Variants in MX2 observed in about 807,000 individuals in gnomAD.
The protein encoded by MX2 is interferon-induced GTP-binding protein Mx2.
MX2 carries 51 observed loss-of-function variants against 74.0 expected under a neutral mutation model. The ratio of observed to expected loss-of-function variants is 0.69; its 90% CI spans 0.55 to 0.87. The LOEUF is 0.87. Among genes scored for constraint, MX2 ranks in the 40% least tolerant of loss-of-function variants. The pLI is 0.00. For synonymous variants in MX2, 369 were observed against 339.3 expected (o/e 1.09, Z -0.96); for missense variants, 832 against 908.7 (o/e 0.92, Z 1.09).
chr21:41,362,750 C>CTTTTT (rs56903696), intron 1 of MX2, among the ~76,000 whole-genome samples: 14 of 82,158 alleles, frequency 1.7e-4, no homozygotes, highest in Admixed American at 2.9e-4. Context: ...GTTTTTTTTT[C>CTTTTT]TTTTTTTTTT....
At position 41,380,104 on chromosome 21, in the gene MX2, A is replaced by T; in HGVS notation, c.530A>T (p.Glu177Val). 6.2e-7 allele frequency: 1 copy of T among 1,613,996 alleles called. No individual in the cohort carries two copies. The highest frequency in any genetic ancestry group is 8.5e-7 in the Non-Finnish European group (1 of 1,179,872). Residue 177 changes from glutamate to valine, a missense_variant, in exon 4 of 14, where the codon GAG becomes GTG. Glu to Val is a moderately radical substitution (Grantham distance 121). Coordinates refer to ENST00000330714, the MANE Select transcript of MX2 (RefSeq NM_002463.2). The surrounding 1 kb of genome is among the most constrained non-coding windows in gnomAD (Gnocchi z 4.3). Reference sequence around the variant, plus strand: ...GGAAGGATCAGCTACCGGAACACCGAGCTAGAGCTTCAGGACCCTGGCCAG... The same window carrying T: ...GGAAGGATCAGCTACCGGAACACCGTGCTAGAGCTTCAGGACCCTGGCCAG... ...WAGRISYRNT[E>V]LELQDPGQVE...
chr21:41,380,087 C>T lies in MX2; in HGVS notation c.513C>T (p.Ile171=), dbSNP rs376451907. 1.2e-5 allele frequency: 19 copies of T among 1,613,896 alleles called. No homozygotes were observed. The highest frequency in any genetic ancestry group is 1.6e-5 in the Non-Finnish European group (19 of 1,179,904). The change falls in exon 4 of 14, where the codon ATC becomes ATT. Residue 171 remains isoleucine, a synonymous_variant. Coordinates refer to ENST00000330714, the MANE Select transcript of MX2 (RefSeq NM_002463.2). The surrounding 1 kb of genome is among the most constrained non-coding windows in gnomAD (Gnocchi z 4.3). The part of the protein sequence containing the change: ...KQPCEAWAGR[I]SYRNTELELQ... ...CCTGTGAGGCATGGGCCGGAAGGAT[C>T]AGCTACCGGAACACCGAGCTAGAGC... is the stretch of plus-strand genomic sequence containing the variant.
At position 41,408,249 on chromosome 21, in the gene MX2, G is replaced by A; in HGVS notation, c.*16G>A. The A allele has an allele frequency of 8.1e-6, 13 of 1,612,612 alleles. No homozygotes were observed. The highest frequency in any genetic ancestry group is 1.1e-5 in the Non-Finnish European group (13 of 1,178,946). On this transcript the variant is annotated 3_prime_UTR_variant, in exon 14 of 14. Coordinates refer to ENST00000330714, the MANE Select transcript of MX2 (RefSeq NM_002463.2). ...GATCCACTGAAGGGCGGCGATGCCT[G>A]TGGTTGTTTTCTTGTGCGTACTCAT...
At chr21:41,401,273 C>G (rs931256559) in intron 10 of MX2, 1 of 152,114 alleles carries the variant, frequency 6.6e-6, no homozygotes, top group African/African-American at 2.4e-5. Context: ...TGTGTGTGTG[C>G]TGTTGTGTTT....
chr21:41,380,859 C>T lies in MX2; in HGVS notation c.577+708C>T, dbSNP rs761174279. Among the ~76,000 whole-genome samples, 65 of 152,220 alleles carry T rather than the reference C, an allele frequency of 4.3e-4. No individual in the cohort carries two copies. The highest frequency in any genetic ancestry group is 8.2e-4 in the Non-Finnish European group (56 of 68,034). ...CCAGGCACTGGAGCCTCTCAACCTC[C>T]CTAAAGGCTTCTCCCCTATCCTGCC... On this transcript the variant is annotated intron_variant, in intron 4 of 13. Transcript: ENST00000330714. The surrounding 1 kb of genome is among the most constrained non-coding windows in gnomAD (Gnocchi z 4.3).
intron 2 of MX2, 76 bp from the exon 3 acceptor site, chr21:41,377,713 A>C (rs1193922382): frequency 1.4e-6 from 2 of 1,472,750 alleles, no homozygotes; most frequent in Non-Finnish European, 1.9e-6. Flanking sequence ...AGCCGCACAA[A>C]CTCTGCCACA....
chr21:41,394,659 A>G lies in MX2; in HGVS notation c.872-928A>G, dbSNP rs374128872. On this transcript the variant is annotated intron_variant, in intron 6 of 13. Transcript: ENST00000330714. ...AACGAAGGACAAAATAGCGGAAGAT[A>G]AGGCCAGGCACGGTGGCTCATGCCT... 2.4e-4 allele frequency among the ~76,000 whole-genome samples: 36 copies of G among 152,296 alleles called. No homozygotes were observed. The East Asian group carries it at 5.8e-3, about 25-fold the overall frequency.
chr21:41,369,383 G>T (rs1367536348), intron 1 of MX2, among the ~76,000 whole-genome samples: 2 of 152,180 alleles, frequency 1.3e-5, no homozygotes, highest in African/African-American at 4.8e-5. Flanking sequence ...GCTGCGCGGG[G>T]AGGATGCAAG....
chr21:41,394,053 A>G (rs1359235921), intron 6 of MX2, among the ~76,000 whole-genome samples: 1 of 152,122 alleles, frequency 6.6e-6, no homozygotes, highest in East Asian at 1.9e-4. Context: ...CCAAGCCACC[A>G]TGGTCTCCTG....
intron 5 of MX2, among the ~76,000 whole-genome samples, chr21:41,383,887 C>T (rs1286023748): frequency 6.6e-6 from 1 of 152,112 alleles, no homozygotes; most frequent in Non-Finnish European, 1.5e-5. Context: ...ATGGGATTTC[C>T]TAGAGACTGC....
At chr21:41,390,729 G>A (rs1158418658) in intron 6 of MX2, 26 bp downstream of exon 6, 1 of 1,611,468 alleles carries the variant, frequency 6.2e-7, no homozygotes, top group Non-Finnish European at 8.5e-7. Flanking sequence ...CAAGTGGCCG[G>A]GTGCGGTGGC....
chr21:41,377,176 T>C (rs1425276660), intron 2 of MX2, 21 bp downstream of exon 2: 3 of 1,612,308 alleles, frequency 1.9e-6, no homozygotes, highest in Non-Finnish European at 2.5e-6. Flanking sequence ...TGGAGGGACG[T>C]TCAGAAAGGG....
chr21:41,398,971 G>A lies in MX2; in HGVS notation c.1224G>A (p.Gly408=). 3.1e-6 allele frequency: 5 copies of A among 1,614,024 alleles called. No homozygotes were observed. Among genetic ancestry groups the A allele is most frequent in the Non-Finnish European group, 4.2e-6 (5 of 1,179,918 alleles). Residue 408 remains glycine (G), a synonymous_variant, in exon 9 of 14, where the codon GGG becomes GGA. Transcript: ENST00000330714. The part of the protein sequence containing the change: ...QKATEELRRC[G]ADIPSQEADK... ...CGACCGAGGAGCTGCGGCGTTGCGG[G>A]GCTGACATCCCCAGCCAGGAGGCCG...
At chr21:41,378,651 C>T (rs76412023) in intron 3 of MX2, among the ~76,000 whole-genome samples, 6,238 of 152,250 alleles carry the variant, frequency 0.041, 169 homozygotes, top group African/African-American at 0.086. Context: ...GTTGTACATT[C>T]ATAATTTAAT....
At position 41,398,958 on chromosome 21, in the gene MX2, T is replaced by A; in HGVS notation, c.1211T>A (p.Leu404Gln). The change falls in exon 9 of 14, where the codon CTG becomes CAG. Residue 404 changes from leucine to glutamine, a missense_variant. Coordinates refer to ENST00000330714, the MANE Select transcript of MX2 (RefSeq NM_002463.2). ...RESHQKATEE[L>Q]RRCGADIPSQ... ...AGCCACCAGAAGGCGACCGAGGAGCTGCGGCGTTGCGGGGCTGACATCCCC... is the reference window on the plus strand; with the variant it reads ...AGCCACCAGAAGGCGACCGAGGAGCAGCGGCGTTGCGGGGCTGACATCCCC... 6.2e-7 allele frequency: 1 copy of A among 1,614,090 alleles called. No individual in the cohort carries two copies. The highest frequency in any genetic ancestry group is 8.5e-7 in the Non-Finnish European group (1 of 1,179,944).
At position 41,398,938 on chromosome 21, in the gene MX2, C is replaced by G. The variant is rs745410751; in HGVS notation, c.1191C>G (p.His397Gln). ...PLLEGQIRES[H>Q]QKATEELRRC... is the part of the protein sequence containing the mutation. ...TAGAAGGACAAATAAGGGAGAGCCA[C>G]CAGAAGGCGACCGAGGAGCTGCGGC... Residue 397 changes from histidine to glutamine, a missense_variant, in exon 9 of 14, where the codon CAC becomes CAG. Coordinates refer to ENST00000330714, the MANE Select transcript of MX2 (RefSeq NM_002463.2). 6.2e-7 allele frequency: 1 copy of G among 1,613,848 alleles called. No homozygotes were observed. Among genetic ancestry groups the G allele is most frequent in the Non-Finnish European group, 8.5e-7 (1 of 1,179,904 alleles).
At chr21:41,385,065 C>T (rs912704633) in intron 5 of MX2, among the ~76,000 whole-genome samples, 3 of 152,092 alleles carry the variant, frequency 2.0e-5, no homozygotes, top group Non-Finnish European at 4.4e-5. Flanking sequence ...GTGTGTGTCT[C>T]CTTACCTGTC....
Position 41,380,014 on chromosome 21 carries a change from C to T in MX2, c.443-3C>T. Reference sequence around the variant, plus strand: ...GAGGATATTTGGGGAACCTCTCGCTCAGGAATCGTAACCAGGTGTCCGCTG... The same window carrying T: ...GAGGATATTTGGGGAACCTCTCGCTTAGGAATCGTAACCAGGTGTCCGCTG... On this transcript the variant is annotated splice_region_variant and splice_polypyrimidine_tract_variant and intron_variant, in intron 3 of 13. Transcript: ENST00000330714. This position sits in a 1 kb window ranked among gnomAD's most constrained non-coding sequence, Gnocchi z 4.3. The T allele has an allele frequency of 6.2e-6, 10 of 1,613,730 alleles. No homozygotes were observed. Among genetic ancestry groups the T allele is most frequent in the Non-Finnish European group, 7.6e-6 (9 of 1,179,802 alleles).
chr21:41,382,614 G>A (rs1307916001), intron 5 of MX2, 50 bp downstream of exon 5: 1 of 1,609,656 alleles, frequency 6.2e-7, no homozygotes, highest in South Asian at 1.1e-5. Flanking sequence ...TGGGGGAAGG[G>A]TCAGAGGTCC....
Sources: allele counts gnomAD v4.1 joint callset (sites outside exome capture counted in the v4.1 genomes callset), GRCh38; gene constraint gnomAD v4.1.1; non-coding constraint Gnocchi (gnomAD v3.1); transcripts MANE v1.5; gene names NCBI Gene and HGNC (gene_info 2026-07-23, HGNC 2026-07-21).